The following P2RX5 variants were observed in gnomAD, a reference collection of about 807,000 sequenced individuals.
The protein encoded by P2RX5 is purinergic receptor P2X 5.
In P2RX5, 46 loss-of-function variants were observed where a neutral mutation model predicts 54.1. The ratio of observed to expected loss-of-function variants is 0.85; its 90% CI spans 0.67 to 1.09. The LOEUF is 1.09. Among genes scored for constraint, P2RX5 ranks in the 50% least tolerant of loss-of-function variants. The pLI is 0.00. For missense variants in P2RX5, 566 were observed against 549.8 expected, an observed-to-expected ratio of 1.03 and a Z score of -0.29; for synonymous variants, 226 against 226.4, an observed-to-expected ratio of 1.00 and a Z score of 0.02.
rs551879444 is a variant in P2RX5, at chr17:3,688,377, G to A, written c.887+249C>T. On this transcript the variant is annotated intron_variant, in intron 8 of 11. Transcript: ENST00000225328. ...GCCAAAGCGCGGATGGAAAGGATGC[G>A]GCAGAGGCCGCAAGACTCGGCTTCA... is the stretch of plus-strand genomic sequence containing the variant. Among the ~76,000 whole-genome samples the A allele has an allele frequency of 8.5e-5, 13 of 152,304 alleles. No individual in the cohort carries two copies. In the South Asian group the frequency reaches 1.5e-3, roughly 17 times the overall value.
chr17:3,684,080 G>C (rs1274900525), intron 9 of P2RX5, among the ~76,000 whole-genome samples: 1 of 152,264 alleles, frequency 6.6e-6, no homozygotes, highest in Non-Finnish European at 1.5e-5. Context: ...CCACGGGGCA[G>C]TGTAGACTCA....
the P2RX5 span, among the ~76,000 whole-genome samples, chr17:3,712,337 A>G: frequency 3.3e-5 from 5 of 152,194 alleles, no homozygotes; most frequent in African/African-American, 1.2e-4. Flanking sequence ...CCAACAGCCT[A>G]GTGATGTAAC....
chr17:3,709,071 C>T, the P2RX5 span, among the ~76,000 whole-genome samples: 1 of 152,146 alleles, frequency 6.6e-6, no homozygotes, highest in African/African-American at 2.4e-5. Context: ...CCTGCCTCAG[C>T]CTCCCAAGGA....
the P2RX5 span, among the ~76,000 whole-genome samples, chr17:3,707,788 G>T: frequency 6.6e-6 from 1 of 152,054 alleles, no homozygotes. Context: ...GCCAGACGCG[G>T]TGGCTCACGC....
chr17:3,688,544 G>A (rs1326474964), intron 8 of P2RX5, 82 bp downstream of exon 8: 1 of 1,473,208 alleles, frequency 6.8e-7, no homozygotes, highest in Non-Finnish European at 9.5e-7. Context: ...CCCCAGGAAG[G>A]GGCCTCAATA....
chr17:3,689,735 C>G, intron 6 of P2RX5, 105 bp from the exon 7 acceptor site: 1 of 1,437,414 alleles, frequency 7.0e-7, no homozygotes, highest in South Asian at 1.2e-5. Flanking sequence ...TGACAGCTCC[C>G]CGCAGCAACA....
chr17:3,678,581 G>A (rs2050156459), intron 11 of P2RX5, among the ~76,000 whole-genome samples: 1 of 152,202 alleles, frequency 6.6e-6, no homozygotes, highest in Admixed American at 6.5e-5. Flanking sequence ...CACTGCTGCA[G>A]CCCCTGCCTC....
At chr17:3,684,937 C>T (rs987325692) in intron 9 of P2RX5, among the ~76,000 whole-genome samples, 1 of 145,626 alleles carries the variant, frequency 6.9e-6, no homozygotes, top group Non-Finnish European at 1.5e-5. Flanking sequence ...CCTCCTCCTC[C>T]CGGGTTCAAG....
the P2RX5 span, chr17:3,718,272 T>C: frequency 6.6e-6 from 1 of 152,348 alleles, no homozygotes; most frequent in East Asian, 1.9e-4. Context: ...TTGGAAACTG[T>C]TTCATCCCTG....
chr17:3,716,847 G>GA, the P2RX5 span: 8,210 of 1,011,436 alleles, frequency 8.1e-3, 81 homozygotes, highest in African/African-American at 0.016. Flanking sequence ...AGCAAACAAG[G>GA]AAAAAATCCT....
chr17:3,717,780 T>C, the P2RX5 span: 2 of 152,108 alleles, frequency 1.3e-5, no homozygotes, highest in Non-Finnish European at 2.9e-5. Context: ...CATAGGTAGC[T>C]GAACTAAATA....
chr17:3,699,683 T>C (rs60442382), upstream of P2RX5, among the ~76,000 whole-genome samples: 53,617 of 150,106 alleles, frequency 0.36, 10,642 homozygotes, highest in East Asian at 0.65. Context: ...CACACGCCTA[T>C]AGTCCCAGCT....
the P2RX5 span, among the ~76,000 whole-genome samples, chr17:3,719,865 T>A: frequency 6.6e-6 from 1 of 152,082 alleles, no homozygotes; most frequent in Non-Finnish European, 1.5e-5. Context: ...GTAGGTGGGA[T>A]TACAGGCACC....
the P2RX5 span, chr17:3,723,634 T>G: frequency 6.7e-7 from 1 of 1,493,844 alleles, no homozygotes; most frequent in Non-Finnish European, 9.0e-7. Flanking sequence ...GGCCTCTCGT[T>G]ACCCGCTTCA....
At chr17:3,681,568 G>A (rs1314276612) in intron 10 of P2RX5, among the ~76,000 whole-genome samples, 1 of 152,228 alleles carries the variant, frequency 6.6e-6, no homozygotes, top group Admixed American at 6.5e-5. Flanking sequence ...AAACAGAAGT[G>A]CTGCAGACAC....
chr17:3,680,536 A>AGCGTCCTCCACCCG (rs2050235957), intron 10 of P2RX5, among the ~76,000 whole-genome samples: 2 of 43,360 alleles, frequency 4.6e-5, no homozygotes, highest in African/African-American at 2.4e-4. Context: ...TCCTCCACCC[A>AGCGTCCTCCACCCG]GCGTCCTCCA....
At chr17:3,680,524 C>G (rs78027313) in intron 10 of P2RX5, among the ~76,000 whole-genome samples, 1 of 118,068 alleles carries the variant, frequency 8.5e-6, no homozygotes, top group Non-Finnish European at 1.7e-5. Flanking sequence ...CTCCACCCTG[C>G]GTCCTCCACC....
At chr17:3,719,437 C>T in the P2RX5 span, among the ~76,000 whole-genome samples, 1 of 152,066 alleles carries the variant, frequency 6.6e-6, no homozygotes, top group Non-Finnish European at 1.5e-5. Flanking sequence ...CTAAAGAGCT[C>T]AGAGCTCACA....
intron 6 of P2RX5, 23 bp from the exon 7 acceptor site, chr17:3,689,653 C>G (rs368141463): frequency 1.2e-6 from 2 of 1,613,858 alleles, no homozygotes; most frequent in African/African-American, 2.7e-5. Context: ...CATGGGCAGC[C>G]GAGAAATGAA....
Sources: gnomAD v4.1 joint callset for allele counts (sites outside exome capture counted in the v4.1 genomes callset) on GRCh38, gnomAD v4.1.1 for gene constraint, MANE v1.5 for transcripts, NCBI Gene and HGNC (gene_info 2026-07-23, HGNC 2026-07-21) for gene names.